PADI2: variants seen among roughly 807,000 people sequenced by gnomAD.
The protein encoded by PADI2 is peptidyl arginine deiminase 2, also known as protein-arginine deiminase type-2.
Under a neutral mutation model 81.1 loss-of-function variants are expected in PADI2, and 70 were observed. That is an observed-to-expected ratio of 0.86 (90% confidence interval 0.71 to 1.05). The LOEUF (loss-of-function observed/expected upper bound fraction) is 1.05, where lower values mean the gene tolerates loss of function less well. Ranked by LOEUF, PADI2 falls within the 50% of genes least tolerant of loss-of-function variation. PADI2 has a pLI of 0.00. For synonymous variants in PADI2, 338 were observed against 358.0 expected (o/e 0.94, Z 0.63); for missense variants, 853 against 889.9 (o/e 0.96, Z 0.53).
intron 15 of PADI2, 41 bp downstream of exon 15, chr1:17,070,047 G>A (rs747474193): frequency 3.2e-5 from 51 of 1,601,102 alleles, no homozygotes; most frequent in African/African-American, 6.7e-5. Context: ...TGGCTGCCCT[G>A]TACTGGCATG....
At chr1:17,077,632 G>A (rs929425545) in intron 11 of PADI2, among the ~76,000 whole-genome samples, 10 of 152,192 alleles carry the variant, frequency 6.6e-5, no homozygotes, top group African/African-American at 1.4e-4. Context: ...GCACTTGGCT[G>A]GTGCTCAGGA....
At chr1:17,087,841 G>A (rs1047167276) in intron 6 of PADI2, among the ~76,000 whole-genome samples, 7 of 152,326 alleles carry the variant, frequency 4.6e-5, no homozygotes, top group Non-Finnish European at 8.8e-5. Context: ...TGACCTGTGC[G>A]AGGGTAGAGA....
At chr1:17,069,649 G>A (rs2078250633) in intron 15 of PADI2, among the ~76,000 whole-genome samples, 1 of 108,038 alleles carries the variant, frequency 9.3e-6, no homozygotes, top group Admixed American at 9.2e-5. Context: ...GTTCATGCGT[G>A]CATGTGTGTT....
At chr1:17,079,533 G>T in intron 10 of PADI2, 118 bp from the exon 11 acceptor site, 1 of 741,644 alleles carries the variant, frequency 1.3e-6, no homozygotes, top group Non-Finnish European at 2.2e-6. Context: ...TTTCCAGGTG[G>T]GTTGTCCACG....
intron 1 of PADI2, among the ~76,000 whole-genome samples, chr1:17,107,634 G>A (rs1341749945): frequency 1.3e-5 from 2 of 152,192 alleles, no homozygotes; most frequent in East Asian, 1.9e-4. Context: ...TCAGCACTGC[G>A]GTCCACTGCT....
chr1:17,083,980 T>C, intron 8 of PADI2, 143 bp from the exon 9 acceptor site: 2 of 611,104 alleles, frequency 3.3e-6, no homozygotes, highest in Non-Finnish European at 5.9e-6. Flanking sequence ...GCCACCTTTA[T>C]AAAGGCCGCT....
chr1:17,115,309 C>T lies in PADI2; in HGVS notation c.92+3971G>A, dbSNP rs1032012091. On this transcript the variant is annotated intron_variant, in intron 1 of 15. Transcript: ENST00000375486. This position sits in a 1 kb window ranked among gnomAD's most constrained non-coding sequence, Gnocchi z 4.1. Reference sequence around the variant, plus strand: ...AATCCTCCCACCTCCACCTCACAGACGCAGCTGGAACCTCTGCACAGGCAA... The same window carrying T: ...AATCCTCCCACCTCCACCTCACAGATGCAGCTGGAACCTCTGCACAGGCAA... Among the ~76,000 whole-genome samples the T allele has an allele frequency of 5.3e-5, 8 of 152,254 alleles. No homozygotes were observed. Among genetic ancestry groups the T allele is most frequent in the South Asian group, 2.1e-4 (1 of 4,836 alleles).
intron 6 of PADI2, among the ~76,000 whole-genome samples, chr1:17,090,688 C>G (rs7534768): frequency 6.6e-6 from 1 of 151,656 alleles, no homozygotes; most frequent in African/African-American, 2.4e-5. Context: ...TCCCCACTGT[C>G]TCAGTCGTGG....
Position 17,069,042 on chromosome 1 carries a change from G to C in PADI2, c.*2C>G. On this transcript the variant is annotated 3_prime_UTR_variant, in exon 16 of 16. Transcript: ENST00000375486. ...GAGGCAAACGCCAGGGCCCCTGGCAGGTCAGGGCACCATGTGCCACCACTT... is the reference window on the plus strand; with the variant it reads ...GAGGCAAACGCCAGGGCCCCTGGCACGTCAGGGCACCATGTGCCACCACTT... 1 of 1,606,842 alleles carries C rather than the reference G, an allele frequency of 6.2e-7. No individual in the cohort carries two copies. Among genetic ancestry groups the C allele is most frequent in the African/African-American group, 1.3e-5 (1 of 74,906 alleles).
Position 17,086,676 on chromosome 1 carries a change from T to C in PADI2, c.679A>G (p.Ile227Val). 1 of 1,613,874 alleles carries C rather than the reference T, an allele frequency of 6.2e-7. No homozygotes were observed. Among genetic ancestry groups the C allele is most frequent in the Non-Finnish European group, 8.5e-7 (1 of 1,179,970 alleles). ...VENPFFGQRY[I>V]HILGRRKLYH... ...AGCTTCCGCCGGCCCAGGATGTGGATATAGCGTTGGCCGAAGAACGGGTCT... is the reference window on the plus strand; with the variant it reads ...AGCTTCCGCCGGCCCAGGATGTGGACATAGCGTTGGCCGAAGAACGGGTCT... Residue 227 changes from isoleucine (I) to valine (V), a missense_variant, in exon 7 of 16, where the codon ATC (isoleucine) becomes GTC (valine). Physicochemically the swap from Ile to Val is conservative, Grantham distance 29. Coordinates refer to ENST00000375486, the MANE Select transcript of PADI2 (RefSeq NM_007365.3).
At chr1:17,097,842 T>C (rs2746509) in intron 3 of PADI2, among the ~76,000 whole-genome samples, 92,835 of 151,602 alleles carry the variant, frequency 0.61, 28,771 homozygotes, top group African/African-American at 0.68. Context: ...GCCGGTCACG[T>C]CCACTGAATG....
At position 17,071,398 on chromosome 1, in the gene PADI2, G is replaced by A. The variant is rs201910669; in HGVS notation, c.1635+8C>T. 1.0e-5 allele frequency: 16 copies of A among 1,607,020 alleles called. No homozygotes were observed. Among genetic ancestry groups the A allele is most frequent in the African/African-American group, 1.3e-5 (1 of 74,880 alleles). ...CCCTCTGGCCCTGCACCCCTGCCCT[G>A]CCCTCACCTGGAAGTACAGGTTCTC... On this transcript the variant is annotated splice_region_variant and intron_variant, in intron 14 of 15. Transcript: ENST00000375486.
At position 17,104,976 on chromosome 1, in the gene PADI2, C is replaced by G. The variant is rs374084213; in HGVS notation, c.178G>C (p.Glu60Gln). The G allele has an allele frequency of 4.8e-5, 78 of 1,610,316 alleles. 1 individual carries two copies. The highest frequency in any genetic ancestry group is 6.4e-5 in the Non-Finnish European group (76 of 1,179,142). ...CGCTGCTTGCCATTGGTGGCCACCT[C>G]CTCAGCCTCCCCATCACGCACCACC... The part of the protein sequence containing the change: ...VEVVRDGEAE[E>Q]VATNGKQRWL... Residue 60 changes from glutamate to glutamine, a missense_variant, in exon 2 of 16, where the codon GAG becomes CAG. Transcript: ENST00000375486.
rs1486393373 is a variant in PADI2 at position 17,084,778 on chromosome 1, T to C, written c.835-76A>G. ...TTCTTTGCCTGCCTTTCAAAGCGGG[T>C]GAAACTGATGACAGTGAATACATTT... On this transcript the variant is annotated intron_variant, in intron 7 of 15. Coordinates refer to ENST00000375486, the MANE Select transcript of PADI2 (RefSeq NM_007365.3). The C allele has an allele frequency of 3.6e-6, 3 of 824,458 alleles. No individual in the cohort carries two copies. The East Asian group carries it at 8.2e-5, about 22-fold the overall frequency. 51.1% of individuals were successfully genotyped at this position (824,458 alleles called of 1,614,324 possible). A position where few individuals can be genotyped will look rare whatever the true frequency, so the allele number is the denominator to read the frequency against.
intron 14 of PADI2, 61 bp from the exon 15 acceptor site, chr1:17,070,277 C>T: frequency 6.3e-7 from 1 of 1,596,864 alleles, no homozygotes; most frequent in Non-Finnish European, 8.5e-7. Flanking sequence ...GCCACCTTGT[C>T]AACCCCATCC....
At position 17,104,922 on chromosome 1, in the gene PADI2, G is replaced by A. The variant is rs187842443; in HGVS notation, c.232C>T (p.Arg78Trp). Residue 78 changes from arginine (R) to tryptophan (W), a missense_variant, in exon 2 of 16, where the codon CGG (arginine) becomes TGG (tryptophan). By Grantham distance (101) the Arg-to-Trp change is moderately radical (BLOSUM62 -3). Coordinates refer to ENST00000375486, the MANE Select transcript of PADI2 (RefSeq NM_007365.3). Reference sequence around the variant, plus strand: ...GTGCTCGCCTGGCTCATGGTGACCCGCAGGGTGGTGCTGGGCGAGAGAAGC... The same window carrying A: ...GTGCTCGCCTGGCTCATGGTGACCCACAGGGTGGTGCTGGGCGAGAGAAGC... ...RWLLSPSTTLRVTMSQASTEA... is the reference protein window; with the variant it reads ...RWLLSPSTTLWVTMSQASTEA... 159 of 1,600,976 alleles carry A rather than the reference G, an allele frequency of 9.9e-5. No homozygotes were observed. The East Asian group carries it at 1.8e-3, about 18-fold the overall frequency.
chr1:17,084,140 A>C (rs1490540461), intron 8 of PADI2, among the ~76,000 whole-genome samples: 1 of 152,210 alleles, frequency 6.6e-6, no homozygotes, highest in African/African-American at 2.4e-5. Context: ...TCTGCCTGGC[A>C]TGAAGATGGG....
rs1931735844 is a variant in PADI2, at chr1:17,115,771, G to A, written c.92+3509C>T. 2.0e-5 allele frequency among the ~76,000 whole-genome samples: 3 copies of A among 152,252 alleles called. No individual in the cohort carries two copies. Among genetic ancestry groups the A allele is most frequent in the Admixed American group, 1.3e-4 (2 of 15,286 alleles). The stretch of plus-strand genomic sequence containing the variant: ...GAGATTGTGTGGGCCAGGTGTACCT[G>A]TGCCAAGACTAAGATGAGTATATTT... On this transcript the variant is annotated intron_variant, in intron 1 of 15. Coordinates refer to ENST00000375486, the MANE Select transcript of PADI2 (RefSeq NM_007365.3). This position sits in a 1 kb window ranked among gnomAD's most constrained non-coding sequence, Gnocchi z 4.1.
intron 10 of PADI2, among the ~76,000 whole-genome samples, chr1:17,080,751 T>A (rs1380314621): frequency 1.3e-5 from 2 of 152,216 alleles, no homozygotes; most frequent in Non-Finnish European, 2.9e-5. Flanking sequence ...ATTTTAACAT[T>A]CCTCTCATGG....
Sources: allele counts gnomAD v4.1 joint callset (sites outside exome capture counted in the v4.1 genomes callset), GRCh38; gene constraint gnomAD v4.1.1; non-coding constraint Gnocchi (gnomAD v3.1); transcripts MANE v1.5; gene names NCBI Gene and HGNC (gene_info 2026-07-23, HGNC 2026-07-21).